Variants in LY96 observed in about 807,000 individuals in gnomAD.
LY96 encodes lymphocyte antigen 96.
LY96 carries 18 observed loss-of-function variants against 18.9 expected under a neutral mutation model. The ratio of observed to expected loss-of-function variants is 0.95; its 90% CI spans 0.66 to 1.41. The LOEUF (loss-of-function observed/expected upper bound fraction) is 1.41. Ranked by LOEUF, LY96 falls within the 40% of genes most tolerant of loss-of-function variation. LY96 has a pLI of 0.00. For missense variants in LY96, 175 were observed against 182.4 expected (o/e 0.96, Z 0.23); for synonymous variants, 66 against 62.6 (o/e 1.06, Z -0.26).
chr8:74,075,380 C>A, the LY96 span, among the ~76,000 whole-genome samples: 1 of 152,204 alleles, frequency 6.6e-6, no homozygotes, highest in African/African-American at 2.4e-5. Flanking sequence ...AAGCGATCTT[C>A]CTGCCTCAGC....
At chr8:74,032,375 G>A (rs1307055754), downstream of LY96, among the ~76,000 whole-genome samples, 4 of 152,338 alleles carry the variant, frequency 2.6e-5, no homozygotes, top group East Asian at 3.9e-4. Context: ...ACAGCCCGGC[G>A]TGCTGCGCCC....
At chr8:74,003,406 A>G (rs979827737) in intron 1 of LY96, among the ~76,000 whole-genome samples, 2 of 152,236 alleles carry the variant, frequency 1.3e-5, no homozygotes, top group Non-Finnish European at 2.9e-5. Context: ...AATTAATCCA[A>G]TTGTGACAGG....
the LY96 span, among the ~76,000 whole-genome samples, chr8:74,088,392 G>T: frequency 6.6e-6 from 1 of 152,118 alleles, no homozygotes; most frequent in African/African-American, 2.4e-5. Flanking sequence ...GGTGCCCTGA[G>T]CCAAGTCAAA....
downstream of LY96, chr8:74,029,131 A>C: frequency 1.3e-6 from 1 of 788,608 alleles, no homozygotes; most frequent in African/African-American, 1.7e-5. Context: ...TTTTAATCAG[A>C]TATGGTAGGA....
downstream of LY96, chr8:74,029,106 G>T: frequency 9.4e-7 from 1 of 1,068,728 alleles, no homozygotes; most frequent in Non-Finnish European, 1.4e-6. Flanking sequence ...CTGTTTTAAG[G>T]GTACCCAGGA....
At chr8:74,078,136 T>C in the LY96 span, among the ~76,000 whole-genome samples, 1 of 151,684 alleles carries the variant, frequency 6.6e-6, no homozygotes, top group Admixed American at 6.6e-5. Flanking sequence ...AGAATTATCA[T>C]AATAAATAGT....
chr8:74,029,050 A>G lies in LY96; in HGVS notation c.479A>G (p.Asn160Ser). ...GTCATCCTACACCAACCTAATTCAA[A>G]TTAGAATAAATTGAGTATTTAAAAA... ...EFVILHQPNS[N>S] The change falls in exon 5 of 5, where the codon AAT becomes AGT. Residue 160 changes from asparagine (N) to serine (S), a missense_variant. Transcript: ENST00000284818. 1 of 1,574,298 alleles carries G rather than the reference A, an allele frequency of 6.4e-7. No individual in the cohort carries two copies.
the LY96 span, among the ~76,000 whole-genome samples, chr8:74,058,546 G>A: frequency 6.8e-6 from 1 of 147,204 alleles, no homozygotes; most frequent in Admixed American, 6.8e-5. Context: ...TTTGGATGGA[G>A]TCTTGCTTTG....
At chr8:74,042,149 A>T in the LY96 span, among the ~76,000 whole-genome samples, 1 of 152,208 alleles carries the variant, frequency 6.6e-6, no homozygotes, top group Non-Finnish European at 1.5e-5. Context: ...ATTAGCTAAA[A>T]ATAAACATTT....
the LY96 span, among the ~76,000 whole-genome samples, chr8:74,087,565 A>G: frequency 2.6e-5 from 4 of 152,192 alleles, no homozygotes; most frequent in Non-Finnish European, 4.4e-5. Flanking sequence ...GGAGAGTGTT[A>G]CAAACCTCTG....
chr8:74,004,820 T>G lies in LY96; in HGVS notation c.137T>G (p.Ile46Ser). Residue 46 changes from isoleucine (I) to serine (S), a missense_variant, in exon 2 of 5, where the codon ATT (isoleucine) becomes AGT (serine). Transcript: ENST00000284818. ...GATAAAATGCAATACCCAATTTCAA[T>G]TAATGTTAACCCCTGTATAGAATTG... The part of the protein sequence containing the change: ...YCDKMQYPIS[I>S]NVNPCIELKR... 6 of 1,578,834 alleles carry G rather than the reference T, an allele frequency of 3.8e-6. No individual in the cohort carries two copies. The highest frequency in any genetic ancestry group is 5.2e-6 in the Non-Finnish European group (6 of 1,150,554).
chr8:73,997,323 T>C (rs1003151985), intron 1 of LY96, among the ~76,000 whole-genome samples: 4 of 152,226 alleles, frequency 2.6e-5, no homozygotes, highest in Admixed American at 6.5e-5. Context: ...CAAGTGCTTC[T>C]CACTGCTCTC....
the LY96 span, among the ~76,000 whole-genome samples, chr8:74,047,518 A>G: frequency 6.6e-6 from 1 of 152,200 alleles, no homozygotes; most frequent in Non-Finnish European, 1.5e-5. Context: ...GTAAAGCATC[A>G]TGCCCAGTAA....
At chr8:74,054,141 T>A in the LY96 span, among the ~76,000 whole-genome samples, 1 of 152,098 alleles carries the variant, frequency 6.6e-6, no homozygotes, top group African/African-American at 2.4e-5. Flanking sequence ...GATTCTCCCA[T>A]CTCAGGCTCC....
At chr8:74,059,366 TAACA>T in the LY96 span, among the ~76,000 whole-genome samples, 1 of 152,194 alleles carries the variant, frequency 6.6e-6, no homozygotes, top group African/African-American at 2.4e-5. Context: ...GTGTGGAACT[TAACA>T]AACAGATTCT....
the LY96 span, among the ~76,000 whole-genome samples, chr8:74,055,571 A>T: frequency 3.9e-5 from 6 of 152,320 alleles, no homozygotes; most frequent in South Asian, 2.1e-4. Context: ...TCCCTCAAAG[A>T]TACCCACATC....
the LY96 span, among the ~76,000 whole-genome samples, chr8:74,047,184 G>A: frequency 2.0e-5 from 3 of 152,234 alleles, no homozygotes; most frequent in South Asian, 2.1e-4. Flanking sequence ...CACAGCGCCC[G>A]GCCCTGACCC....
rs576578298 is a variant in LY96 at position 74,008,858 on chromosome 8, C to T, written c.203-1143C>T. Among the ~76,000 whole-genome samples the T allele has an allele frequency of 1.7e-3, 256 of 151,984 alleles. 2 individuals carry two copies. The highest frequency in any genetic ancestry group is 1.6e-3 in the Non-Finnish European group (109 of 67,998). ...ATAGATCCTGGAGAAATCCAGGAGT[C>T]GATGAAATAGACTGAGGAAGAGGAG... On this transcript the variant is annotated intron_variant, in intron 2 of 4. Transcript: ENST00000284818.
intron 2 of LY96, among the ~76,000 whole-genome samples, chr8:74,005,996 C>A (rs1384970319): frequency 1.3e-5 from 2 of 152,066 alleles, no homozygotes; most frequent in Admixed American, 1.3e-4. Context: ...AAATGAAAAA[C>A]AACAACAACA....
Sources: gnomAD v4.1 joint callset for allele counts (sites outside exome capture counted in the v4.1 genomes callset) on GRCh38, gnomAD v4.1.1 for gene constraint, MANE v1.5 for transcripts, NCBI Gene and HGNC (gene_info 2026-07-23, HGNC 2026-07-21) for gene names.